The following ASTN2 variants were observed in gnomAD, a reference collection of about 807,000 sequenced individuals.
ASTN2 encodes the protein astrotactin-2.
ASTN2 carries 54 observed loss-of-function variants against 139.8 expected under a neutral mutation model. The ratio of observed to expected loss-of-function variants is 0.39; its 90% CI spans 0.31 to 0.48. The LOEUF is 0.48. Among genes scored for constraint, ASTN2 ranks in the 20% least tolerant of loss-of-function variants. ASTN2 has a pLI of 0.95. For synonymous variants in ASTN2, 756 were observed against 719.5 expected, an observed-to-expected ratio of 1.05 and a Z score of -0.81; for missense variants, 1,565 against 1,725.1, an observed-to-expected ratio of 0.91 and a Z score of 1.64.
chr9:117,190,631 A>T (rs553071472), intron 3 of ASTN2, among the ~76,000 whole-genome samples: 1 of 152,172 alleles, frequency 6.6e-6, no homozygotes, highest in South Asian at 2.1e-4. Flanking sequence ...CTATTCCTCT[A>T]GTGCTCCAAT....
intron 1 of ASTN2, among the ~76,000 whole-genome samples, chr9:117,299,518 T>A (rs1280037224): frequency 2.0e-5 from 3 of 152,144 alleles, no homozygotes; most frequent in Admixed American, 2.0e-4. Context: ...AGAGGGCACT[T>A]CAGATGGAGA....
intron 4 of ASTN2, among the ~76,000 whole-genome samples, chr9:117,117,750 T>C (rs1829434419): frequency 6.6e-6 from 1 of 152,206 alleles, no homozygotes; most frequent in Non-Finnish European, 1.5e-5. Context: ...GTCTGACTTT[T>C]TCTTTCCCTG....
chr9:116,714,703 G>A (rs796718862), intron 16 of ASTN2, among the ~76,000 whole-genome samples: 12 of 152,256 alleles, frequency 7.9e-5, no homozygotes, highest in African/African-American at 2.4e-4. Flanking sequence ...TACACCTGTC[G>A]GGAGGAGAAT....
At chr9:117,390,699 T>C (rs1036068249) in intron 1 of ASTN2, among the ~76,000 whole-genome samples, 1 of 152,338 alleles carries the variant, frequency 6.6e-6, no homozygotes, top group South Asian at 2.1e-4. Context: ...TTTTTATTTC[T>C]GAAAAATATC....
chr9:116,537,622 A>T (rs1851699050), intron 19 of ASTN2, among the ~76,000 whole-genome samples: 1 of 152,330 alleles, frequency 6.6e-6, no homozygotes, highest in East Asian at 1.9e-4. Context: ...AGAAAACCTA[A>T]GAGTATCTCT....
intron 5 of ASTN2, among the ~76,000 whole-genome samples, chr9:117,064,232 G>T (rs1032445386): frequency 6.6e-6 from 1 of 151,984 alleles, no homozygotes; most frequent in Non-Finnish European, 1.5e-5. Flanking sequence ...TGTTATCACG[G>T]TCCAGCCAGG....
intron 1 of ASTN2, among the ~76,000 whole-genome samples, chr9:117,406,829 CTTA>C (rs1305583229): frequency 6.6e-6 from 1 of 150,400 alleles, no homozygotes; most frequent in African/African-American, 2.5e-5. Context: ...AACTTATTTA[CTTA>C]TTATGTCTGT....
intron 19 of ASTN2, among the ~76,000 whole-genome samples, chr9:116,576,489 TG>T (rs879366895): frequency 1.4e-4 from 21 of 152,248 alleles, no homozygotes; most frequent in Admixed American, 1.3e-3. Flanking sequence ...ATGATTTAGG[TG>T]GCCCCCATGG....
At chr9:116,835,221 C>A (rs114134203) in intron 11 of ASTN2, among the ~76,000 whole-genome samples, 7,110 of 152,044 alleles carry the variant, frequency 0.047, 515 homozygotes, top group African/African-American at 0.16. Flanking sequence ...GGGAGTCATG[C>A]CCTACAAATC....
intron 2 of ASTN2, among the ~76,000 whole-genome samples, chr9:117,222,458 C>A (rs571668351): frequency 2.6e-5 from 4 of 152,254 alleles, no homozygotes; most frequent in South Asian, 4.1e-4. Flanking sequence ...GGAGCCTGAG[C>A]CTCCTTTCCC....
At chr9:117,137,341 C>T (rs373232425) in intron 4 of ASTN2, among the ~76,000 whole-genome samples, 31 of 152,202 alleles carry the variant, frequency 2.0e-4, no homozygotes, top group South Asian at 1.7e-3. Flanking sequence ...CACCGTGGCC[C>T]GGGGATGAGG....
chr9:117,202,560 C>T (rs1049137050), intron 3 of ASTN2, among the ~76,000 whole-genome samples: 2 of 152,098 alleles, frequency 1.3e-5, no homozygotes, highest in Admixed American at 6.6e-5. Context: ...ACAGCATTTG[C>T]TTGTCTGGAA....
intron 6 of ASTN2, among the ~76,000 whole-genome samples, chr9:117,022,635 T>C (rs1234114034): frequency 1.3e-5 from 2 of 152,142 alleles, no homozygotes; most frequent in Admixed American, 1.3e-4. Flanking sequence ...AAAAATGTTG[T>C]CATCCACTGT....
At chr9:116,444,700 G>A (rs1332798415) in intron 20 of ASTN2, among the ~76,000 whole-genome samples, 2 of 152,158 alleles carry the variant, frequency 1.3e-5, no homozygotes, top group Non-Finnish European at 1.5e-5. Flanking sequence ...CCCGGTCTTG[G>A]AGATGGCCAG....
chr9:117,284,369 C>T (rs936150210), intron 2 of ASTN2, among the ~76,000 whole-genome samples: 6 of 152,172 alleles, frequency 3.9e-5, no homozygotes, highest in Non-Finnish European at 5.9e-5. Flanking sequence ...CCTTTCAAAG[C>T]GGTAGGATTA....
chr9:116,514,477 C>T (rs552371987), intron 19 of ASTN2, among the ~76,000 whole-genome samples: 8 of 152,180 alleles, frequency 5.3e-5, no homozygotes, highest in Admixed American at 6.5e-5. Flanking sequence ...CAGTCTGTCT[C>T]AACTTTCTCA....
At chr9:117,413,894 C>G (rs1181100278) in intron 1 of ASTN2, among the ~76,000 whole-genome samples, 1 of 152,188 alleles carries the variant, frequency 6.6e-6, no homozygotes, top group Non-Finnish European at 1.5e-5. Flanking sequence ...TCAAGTCTCT[C>G]CAGCCCTATT....
At chr9:117,072,742 A>G (rs542170822) in intron 5 of ASTN2, among the ~76,000 whole-genome samples, 1 of 152,242 alleles carries the variant, frequency 6.6e-6, no homozygotes, top group African/African-American at 2.4e-5. Flanking sequence ...TTATTTTTTT[A>G]GCAGTGGGTG....
chr9:116,681,511 T>A (rs912525868), intron 16 of ASTN2, among the ~76,000 whole-genome samples: 2 of 152,144 alleles, frequency 1.3e-5, no homozygotes, highest in Non-Finnish European at 2.9e-5. Context: ...CTTCATAGAA[T>A]TGGAAAAAAC....
Sources: allele counts gnomAD v4.1 joint callset (sites outside exome capture counted in the v4.1 genomes callset), GRCh38; gene constraint gnomAD v4.1.1; transcripts MANE v1.5; gene names NCBI Gene and HGNC (gene_info 2026-07-23, HGNC 2026-07-21).